Variants in SLC24A2 observed in about 807,000 individuals in gnomAD.
SLC24A2 encodes the protein solute carrier family 24 member 2.
Under a neutral mutation model 62.0 loss-of-function variants are expected in SLC24A2, and 36 were observed. That is an observed-to-expected ratio of 0.58 (90% CI 0.44 to 0.77). SLC24A2 has a LOEUF of 0.77. Among genes scored for constraint, SLC24A2 ranks in the 30% least tolerant of loss-of-function variants. SLC24A2 has a pLI of 0.00. For missense variants in SLC24A2, 846 were observed against 817.9 expected (o/e 1.03, Z -0.42); for synonymous variants, 358 against 294.0 (o/e 1.22, Z -2.23).
the SLC24A2 span, among the ~76,000 whole-genome samples, chr9:20,038,683 A>G: frequency 6.6e-6 from 1 of 152,262 alleles, no homozygotes; most frequent in African/African-American, 2.4e-5. Context: ...GAATTAAACT[A>G]AAAGTCACAG....
the SLC24A2 span, among the ~76,000 whole-genome samples, chr9:20,100,159 A>G: frequency 6.6e-6 from 1 of 151,762 alleles, no homozygotes; most frequent in Non-Finnish European, 1.5e-5. Context: ...TGGCAGGCGC[A>G]TGCCACTTGG....
At chr9:20,039,686 C>T in the SLC24A2 span, among the ~76,000 whole-genome samples, 13 of 152,084 alleles carry the variant, frequency 8.5e-5, no homozygotes, top group East Asian at 1.9e-3. Context: ...CTTGGAGGTA[C>T]TGGGCACAGG....
chr9:20,231,186 C>G, the SLC24A2 span, among the ~76,000 whole-genome samples: 1 of 152,134 alleles, frequency 6.6e-6, no homozygotes, highest in Non-Finnish European at 1.5e-5. Context: ...CAGCTTTGTT[C>G]TTTTGGCTTA....
intron 2 of SLC24A2, among the ~76,000 whole-genome samples, chr9:19,779,128 G>A (rs1248039169): frequency 6.6e-6 from 1 of 152,166 alleles, no homozygotes; most frequent in African/African-American, 2.4e-5. Flanking sequence ...AGAAAACCAT[G>A]AACAGTGAAA....
At chr9:19,525,765 GT>G (rs71496823) in intron 9 of SLC24A2, among the ~76,000 whole-genome samples, 50,278 of 99,416 alleles carry the variant, frequency 0.51, 10,312 homozygotes, top group East Asian at 0.64. Context: ...ACATGCTACT[GT>G]TTTTTTTTTT....
the SLC24A2 span, among the ~76,000 whole-genome samples, chr9:19,845,321 G>A: frequency 2.0e-5 from 3 of 152,080 alleles, no homozygotes; most frequent in East Asian, 3.9e-4. Context: ...CAGCTTAAAA[G>A]TTAGTGGTGT....
chr9:20,093,125 G>A, the SLC24A2 span, among the ~76,000 whole-genome samples: 7 of 151,362 alleles, frequency 4.6e-5, no homozygotes, highest in East Asian at 1.9e-4. Flanking sequence ...AGGCTGGAGC[G>A]CAGTAGCGCA....
chr9:19,515,940 C>G lies in SLC24A2; in HGVS notation c.*213G>C. On this transcript the variant is annotated 3_prime_UTR_variant, in exon 11 of 11. Transcript: ENST00000341998. ...GCCCTGTATTGACGGTTCTCTTTGT[C>G]TTTTACATGAAGTCATTTCAGTAGG... The G allele has an allele frequency of 1.6e-6, 1 of 616,384 alleles. No individual in the cohort carries two copies. Among genetic ancestry groups the G allele is most frequent in the Non-Finnish European group, 2.9e-6 (1 of 347,870 alleles). The allele number at this position is 616,384 out of a possible 1,614,324, so 38.2% of individuals were successfully genotyped here. A position where few individuals can be genotyped will look rare whatever the true frequency, so the allele number is the denominator to read the frequency against.
At chr9:20,301,582 C>CTTT in the SLC24A2 span, among the ~76,000 whole-genome samples, 1 of 141,284 alleles carries the variant, frequency 7.1e-6, no homozygotes, top group Non-Finnish European at 1.6e-5. Context: ...AAATTAAAGC[C>CTTT]TTTTTTTTTT....
the SLC24A2 span, among the ~76,000 whole-genome samples, chr9:20,060,892 T>C: frequency 4.6e-5 from 7 of 152,218 alleles, no homozygotes; most frequent in African/African-American, 1.7e-4. Context: ...TATAAACTTA[T>C]AGCAAATAAC....
chr9:20,278,541 C>G, the SLC24A2 span, among the ~76,000 whole-genome samples: 3 of 152,196 alleles, frequency 2.0e-5, no homozygotes, highest in Non-Finnish European at 4.4e-5. Context: ...ACAAGAGTCA[C>G]TTTTGCTCCA....
At chr9:20,182,553 C>T in the SLC24A2 span, among the ~76,000 whole-genome samples, 6 of 152,300 alleles carry the variant, frequency 3.9e-5, no homozygotes, top group East Asian at 1.9e-4. Context: ...CCAAACACTG[C>T]ATGTTATCAC....
intron 8 of SLC24A2, among the ~76,000 whole-genome samples, chr9:19,530,356 T>C (rs941066261): frequency 7.9e-5 from 12 of 152,268 alleles, no homozygotes; most frequent in African/African-American, 2.4e-4. Context: ...GGGCAATGTA[T>C]GAGGACAATG....
chr9:19,988,205 A>G, the SLC24A2 span, among the ~76,000 whole-genome samples: 1 of 152,036 alleles, frequency 6.6e-6, no homozygotes, highest in Non-Finnish European at 1.5e-5. Flanking sequence ...CAGACAAGCT[A>G]CCTTGCAAAT....
At chr9:19,573,858 G>C (rs975245780) in intron 6 of SLC24A2, among the ~76,000 whole-genome samples, 2 of 152,090 alleles carry the variant, frequency 1.3e-5, no homozygotes, top group African/African-American at 4.8e-5. Flanking sequence ...CATGAACATA[G>C]ACATTTTAAA....
chr9:19,873,123 A>G, the SLC24A2 span, among the ~76,000 whole-genome samples: 109 of 152,170 alleles, frequency 7.2e-4, 1 homozygote, highest in Non-Finnish European at 1.2e-3. Context: ...GTGGGAAAGG[A>G]TTATCAAATC....
chr9:19,636,334 T>TTCTTTTCTTTTCTTTTC (rs1564009853), intron 2 of SLC24A2, among the ~76,000 whole-genome samples: 3 of 25,916 alleles, frequency 1.2e-4, no homozygotes, highest in Non-Finnish European at 2.3e-4. Context: ...TTTCTTTCTT[T>TTCTTTTCTTTTCTTTTC]CTTTCTTTCT....
At chr9:20,004,365 G>C in the SLC24A2 span, among the ~76,000 whole-genome samples, 1 of 152,142 alleles carries the variant, frequency 6.6e-6, no homozygotes, top group East Asian at 1.9e-4. Flanking sequence ...AGGGAAGCTG[G>C]TCATAAAACA....
At chr9:20,076,991 G>A in the SLC24A2 span, among the ~76,000 whole-genome samples, 1 of 150,114 alleles carries the variant, frequency 6.7e-6, no homozygotes, top group African/African-American at 2.4e-5. Flanking sequence ...TCTACCATTT[G>A]CCACAACATG....
Sources: gnomAD v4.1 joint callset for allele counts (sites outside exome capture counted in the v4.1 genomes callset) on GRCh38, gnomAD v4.1.1 for gene constraint, MANE v1.5 for transcripts, NCBI Gene and HGNC (gene_info 2026-07-23, HGNC 2026-07-21) for gene names.